NDST1: variants seen among roughly 807,000 people sequenced by gnomAD.
NDST1 encodes bifunctional heparan sulfate N-deacetylase/N-sulfotransferase 1.
In NDST1, 35 loss-of-function variants were observed where a neutral mutation model predicts 92.8. The ratio of observed to expected loss-of-function variants is 0.38; its 90% CI spans 0.29 to 0.50. The LOEUF (loss-of-function observed/expected upper bound fraction) is 0.50, where lower values mean the gene tolerates loss of function less well. Ranked by LOEUF, NDST1 falls within the 20% of genes least tolerant of loss-of-function variation. The pLI, the probability that NDST1 is intolerant of heterozygous loss-of-function variation, is 0.94. For synonymous variants in NDST1, 493 were observed against 500.3 expected (o/e 0.99, Z 0.19); for missense variants, 822 against 1,182.7 (o/e 0.69, Z 4.47).
At position 150,557,454 on chromosome 5, in the gene NDST1, C is replaced by T. The variant is rs968635036; in HGVS notation, c.*4122C>T. On this transcript the variant is annotated 3_prime_UTR_variant, in exon 15 of 15. Transcript: ENST00000261797. This position sits in a 1 kb window ranked among gnomAD's most constrained non-coding sequence, Gnocchi z 4.7. ...AAAGCCTACATGGGGAACTGCCTCC[C>T]GCAAGCTGTGGTGTGAGAAGAGCCC... 3 of 152,666 alleles carry T rather than the reference C, an allele frequency of 2.0e-5. No homozygotes were observed. The highest frequency in any genetic ancestry group is 6.5e-5 in the Admixed American group (1 of 15,302). The allele number at this position is 152,666 out of a possible 1,614,324, so 9.5% of individuals were successfully genotyped here.
At chr5:150,537,837 C>G (rs541424002) in intron 6 of NDST1, among the ~76,000 whole-genome samples, 1 of 152,158 alleles carries the variant, frequency 6.6e-6, no homozygotes, top group East Asian at 1.9e-4. Context: ...CCCCTGGACA[C>G]CCAGCTTTAA....
At chr5:150,505,885 ATCC>A (rs1009567639), upstream of NDST1, among the ~76,000 whole-genome samples, 3 of 152,098 alleles carry the variant, frequency 2.0e-5, no homozygotes, top group African/African-American at 7.2e-5. Flanking sequence ...GCTTCCAGCA[ATCC>A]TCCTACCTCA....
chr5:150,512,611 C>T (rs959600723), intron 1 of NDST1, among the ~76,000 whole-genome samples: 2 of 152,246 alleles, frequency 1.3e-5, no homozygotes, highest in Non-Finnish European at 2.9e-5. Flanking sequence ...GCCTGGCCTC[C>T]CTTCCTCTCT....
upstream of NDST1, among the ~76,000 whole-genome samples, chr5:150,505,356 G>C (rs78088236): frequency 0.058 from 8,759 of 152,262 alleles, 370 homozygotes; most frequent in Middle Eastern, 0.14. Flanking sequence ...CAGCCCTGGT[G>C]GGTTTTCTGT....
At chr5:150,540,328 C>T in intron 8 of NDST1, 64 bp downstream of exon 8, 5 of 1,507,148 alleles carry the variant, frequency 3.3e-6, no homozygotes, top group Non-Finnish European at 3.6e-6. Flanking sequence ...CACAGGCACA[C>T]ACTCCAGATA....
intron 3 of NDST1, among the ~76,000 whole-genome samples, chr5:150,532,503 CT>C (rs1424724232): frequency 4.7e-5 from 7 of 149,754 alleles, no homozygotes; most frequent in Non-Finnish European, 7.4e-5. Context: ...GGTTTAATGC[CT>C]GCTGTTGCCT....
intron 10 of NDST1, among the ~76,000 whole-genome samples, chr5:150,545,015 G>A (rs1755419055): frequency 6.6e-6 from 1 of 152,164 alleles, no homozygotes; most frequent in African/African-American, 2.4e-5. Context: ...TAGAGTTTAG[G>A]ATTGAGGGGC....
chr5:150,549,805 C>T lies in NDST1; in HGVS notation c.2426+18C>T, dbSNP rs748466291. On this transcript the variant is annotated intron_variant, in intron 13 of 14. Coordinates refer to ENST00000261797, the MANE Select transcript of NDST1 (RefSeq NM_001543.5). ...ACCTTGGCGTGAGTGTTGCCTTTTC[C>T]TTTCTGCAGGTTATTTCCCTGATAA... The T allele has an allele frequency of 1.3e-5, 19 of 1,516,682 alleles. No homozygotes were observed. The highest frequency in any genetic ancestry group is 5.5e-5 in the African/African-American group (4 of 73,044). 94.0% of individuals were successfully genotyped at this position (1,516,682 alleles called of 1,614,324 possible). A position where few individuals can be genotyped will look rare whatever the true frequency, so the allele number is the denominator to read the frequency against.
At chr5:150,506,663 C>G (rs776657411), upstream of NDST1, among the ~76,000 whole-genome samples, 2 of 152,174 alleles carry the variant, frequency 1.3e-5, no homozygotes, top group Non-Finnish European at 2.9e-5. Context: ...CTAGAGAAAG[C>G]CGGGCCCACT....
intron 1 of NDST1, among the ~76,000 whole-genome samples, chr5:150,498,982 C>A (rs1020955136): frequency 6.6e-6 from 1 of 152,208 alleles, no homozygotes; most frequent in African/African-American, 2.4e-5. Context: ...AGGTACACCC[C>A]ACTCCCTATC....
chr5:150,541,541 C>T (rs1436162844), intron 8 of NDST1, 29 bp from the exon 9 acceptor site: 1 of 1,609,380 alleles, frequency 6.2e-7, no homozygotes, highest in East Asian at 2.2e-5. Context: ...TCTGGGGCGC[C>T]CCACACATCC....
chr5:150,535,234 G>T (rs1754928960), intron 5 of NDST1: 1 of 893,012 alleles, frequency 1.1e-6, no homozygotes, highest in Non-Finnish European at 1.3e-6. Flanking sequence ...AAGGCTCAGG[G>T]AGGTCACACC....
intron 2 of NDST1, 138 bp from the exon 3 acceptor site, chr5:150,527,666 C>A: frequency 8.1e-7 from 1 of 1,234,496 alleles, no homozygotes; most frequent in Non-Finnish European, 1.1e-6. Context: ...GGGTGGAGCG[C>A]AGGGCCAGGG....
intron 6 of NDST1, among the ~76,000 whole-genome samples, chr5:150,538,660 T>G (rs781611307): frequency 6.6e-6 from 1 of 152,084 alleles, no homozygotes. Context: ...GTTTGTACAT[T>G]TGTCCATCAG....
At chr5:150,505,633 G>A (rs1753418362), upstream of NDST1, among the ~76,000 whole-genome samples, 1 of 152,156 alleles carries the variant, frequency 6.6e-6, no homozygotes, top group Admixed American at 6.5e-5. Flanking sequence ...ACAGGTTATC[G>A]ATGGCAGGAA....
intron 3 of NDST1, among the ~76,000 whole-genome samples, chr5:150,529,601 G>A (rs1167934894): frequency 6.6e-6 from 1 of 152,076 alleles, no homozygotes; most frequent in Non-Finnish European, 1.5e-5. Context: ...GTGTAAATAG[G>A]AAATCCGGAT....
upstream of NDST1, chr5:150,497,801 C>T (rs983905279): frequency 1.3e-5 from 2 of 152,232 alleles, no homozygotes; most frequent in African/African-American, 2.4e-5. Flanking sequence ...CTCCCGGCCC[C>T]GAAGGGATGA....
chr5:150,541,313 T>A (rs34345259), intron 8 of NDST1, among the ~76,000 whole-genome samples: 2,298 of 152,316 alleles, frequency 0.015, 23 homozygotes, highest in Non-Finnish European at 0.025. Context: ...GCTTGTCCAG[T>A]TAAATTCAAC....
chr5:150,506,203 T>G (rs139892811), upstream of NDST1, among the ~76,000 whole-genome samples: 10 of 152,338 alleles, frequency 6.6e-5, no homozygotes, highest in African/African-American at 2.4e-4. Flanking sequence ...CTCAACCTCC[T>G]GGGCTCAGGT....
Sources: gnomAD v4.1 joint callset for allele counts (sites outside exome capture counted in the v4.1 genomes callset) on GRCh38, gnomAD v4.1.1 for gene constraint, Gnocchi (gnomAD v3.1) non-coding constraint, MANE v1.5 for transcripts, NCBI Gene and HGNC (gene_info 2026-07-23, HGNC 2026-07-21) for gene names.